Variants in RSF1 observed in about 807,000 individuals in gnomAD.
RSF1 encodes HBV pX-associated protein 8.
In RSF1, 13 loss-of-function variants were observed where a neutral mutation model predicts 145.2. The observed-to-expected ratio is 0.09, with a 90% CI of 0.06 to 0.14. The LOEUF is 0.14. RSF1 is among the 10% of genes least tolerant of loss of function. The pLI is 1.00. For missense variants in RSF1, 1,517 were observed against 1,718.2 expected, an observed-to-expected ratio of 0.88 and a Z score of 2.07; for synonymous variants, 577 against 592.6, an observed-to-expected ratio of 0.97 and a Z score of 0.38.
chr11:77,837,183 T>G, the RSF1 span, among the ~76,000 whole-genome samples: 1 of 152,174 alleles, frequency 6.6e-6, no homozygotes, highest in African/African-American at 2.4e-5. Context: ...TCACCCAGGC[T>G]GGAGTGCAGT....
chr11:77,797,558 C>A (rs1481035714), intron 1 of RSF1, among the ~76,000 whole-genome samples: 2 of 152,156 alleles, frequency 1.3e-5, no homozygotes, highest in African/African-American at 4.8e-5. Flanking sequence ...CCATAAAAAT[C>A]CTAGAAGAAA....
At position 77,820,721 on chromosome 11, in the gene RSF1, C is replaced by T. The variant is rs576214470; in HGVS notation, c.-7G>A. ...CTGCCGCCGCCGTCGCCATTTTGAA[C>T]TGGAGGATGGAGGAGGAGGCGATGG... On this transcript the variant is annotated 5_prime_UTR_variant, in exon 1 of 16. Coordinates refer to ENST00000308488, the MANE Select transcript of RSF1 (RefSeq NM_016578.4). 2.5e-5 allele frequency: 39 copies of T among 1,547,086 alleles called. No homozygotes were observed. In the African/African-American group the frequency reaches 2.6e-4, roughly 10 times the overall value.
intron 14 of RSF1, among the ~76,000 whole-genome samples, chr11:77,673,973 T>C (rs1959624569): frequency 6.6e-6 from 1 of 152,126 alleles, no homozygotes; most frequent in Admixed American, 6.5e-5. Flanking sequence ...GAATGGATCC[T>C]GGGTTAGGAA....
the RSF1 span, chr11:77,831,967 C>G: frequency 6.7e-6 from 1 of 149,336 alleles, no homozygotes; most frequent in East Asian, 2.0e-4. Context: ...ACTTCGGCCT[C>G]TCAGAAGTGC....
chr11:77,671,166 TATATATATA>T lies in RSF1; in HGVS notation c.3751+867_3751+875del, dbSNP rs1959533816. 2.2e-5 allele frequency among the ~76,000 whole-genome samples: 2 copies of T among 92,790 alleles called. 1 individual carries two copies. Among genetic ancestry groups the T allele is most frequent in the African/African-American group, 9.4e-5 (2 of 21,290 alleles). 60.9% of individuals were successfully genotyped at this position (92,790 alleles called of 152,430 possible). ...ATATATATATATATATATATATATA[TATATATATA>T]TATTTATATGTATATATGTGTGTAT... On this transcript the variant is annotated intron_variant, in intron 15 of 15. Transcript: ENST00000308488.
chr11:77,691,149 A>T lies in RSF1; in HGVS notation c.2900+10T>A, dbSNP rs899619820. On this transcript the variant is annotated intron_variant, in intron 9 of 15. Coordinates refer to ENST00000308488, the MANE Select transcript of RSF1 (RefSeq NM_016578.4). ...TCCCAAACAAAACATTAACACACAT[A>T]TAAAAATACCTTCGTTCGGCACGCT... The T allele has an allele frequency of 1.2e-6, 2 of 1,611,314 alleles. No homozygotes were observed. The highest frequency in any genetic ancestry group is 1.7e-5 in the Admixed American group (1 of 60,004).
chr11:77,741,645 G>A (rs193152873), intron 3 of RSF1, among the ~76,000 whole-genome samples: 1 of 152,194 alleles, frequency 6.6e-6, no homozygotes, highest in Non-Finnish European at 1.5e-5. Flanking sequence ...TGTGTATAGT[G>A]TGGAATGGCT....
At chr11:77,803,884 A>G (rs1363771773) in intron 1 of RSF1, among the ~76,000 whole-genome samples, 3 of 152,212 alleles carry the variant, frequency 2.0e-5, no homozygotes, top group African/African-American at 7.2e-5. Flanking sequence ...ATTCAAGATC[A>G]GCCTGAGCAA....
intron 4 of RSF1, chr11:77,735,075 T>A: frequency 9.2e-7 from 1 of 1,088,518 alleles, no homozygotes; most frequent in Non-Finnish European, 1.4e-6. Context: ...TGCGTGGCGC[T>A]GGGGCGGCGG....
At chr11:77,812,964 A>T (rs1217999961) in intron 1 of RSF1, among the ~76,000 whole-genome samples, 1 of 151,926 alleles carries the variant, frequency 6.6e-6, no homozygotes, top group Non-Finnish European at 1.5e-5. Flanking sequence ...TACACTGAAA[A>T]GATCACCTTA....
At chr11:77,798,964 T>TA (rs199886134) in intron 1 of RSF1, among the ~76,000 whole-genome samples, 67 of 114,458 alleles carry the variant, frequency 5.9e-4, no homozygotes, top group Middle Eastern at 4.9e-3. Flanking sequence ...AAAGTATAAT[T>TA]AAAAAAAAAA....
At chr11:77,762,806 T>G (rs1948188973) in intron 2 of RSF1, 1 of 152,144 alleles carries the variant, frequency 6.6e-6, no homozygotes, top group Non-Finnish European at 1.5e-5. Context: ...TATATTCCAT[T>G]TACTTCAAAA....
At chr11:77,671,729 G>C (rs1023936634) in intron 15 of RSF1, among the ~76,000 whole-genome samples, 29 of 151,456 alleles carry the variant, frequency 1.9e-4, no homozygotes, top group African/African-American at 7.0e-4. Context: ...CCGCCTCCCA[G>C]GTTCAAGCAA....
chr11:77,730,532 C>T (rs1169559481), intron 4 of RSF1, among the ~76,000 whole-genome samples: 1 of 152,162 alleles, frequency 6.6e-6, no homozygotes, highest in Non-Finnish European at 1.5e-5. Flanking sequence ...CTTTCCTACT[C>T]AATTCCTTTT....
At chr11:77,761,828 A>ATTTTTTTTTTTT (rs11381383) in intron 2 of RSF1, among the ~76,000 whole-genome samples, 1 of 119,576 alleles carries the variant, frequency 8.4e-6, no homozygotes. Flanking sequence ...CCATTCGGTG[A>ATTTTTTTTTTTT]TTTTTTTTTT....
chr11:77,724,182 A>C (rs1960999680), intron 5 of RSF1, among the ~76,000 whole-genome samples: 1 of 152,248 alleles, frequency 6.6e-6, no homozygotes, highest in African/African-American at 2.4e-5. Context: ...GTCATTAGGA[A>C]CTAATAATTA....
chr11:77,736,834 G>C (rs1039670685), intron 4 of RSF1, among the ~76,000 whole-genome samples: 4 of 152,116 alleles, frequency 2.6e-5, no homozygotes, highest in Non-Finnish European at 5.9e-5. Context: ...AGAGATCTTA[G>C]AGCCATACTA....
intron 1 of RSF1, among the ~76,000 whole-genome samples, chr11:77,803,663 C>T (rs558420013): frequency 1.6e-4 from 25 of 151,922 alleles, no homozygotes; most frequent in African/African-American, 6.0e-4. Context: ...CCTGTAATCC[C>T]AGGTACACAG....
rs76834670 is a variant in RSF1 at position 77,770,752 on chromosome 11, T to C, written c.188-6063A>G. On this transcript the variant is annotated intron_variant, in intron 1 of 15. Coordinates refer to ENST00000308488, the MANE Select transcript of RSF1 (RefSeq NM_016578.4). ...AGCATACTACAAATATCAGCATGGCTTGAGGTGGTGATAAGACCAGCAATC... is the reference window on the plus strand; with the variant it reads ...AGCATACTACAAATATCAGCATGGCCTGAGGTGGTGATAAGACCAGCAATC... Among the ~76,000 whole-genome samples, 214 of 152,250 alleles carry C rather than the reference T, an allele frequency of 1.4e-3. 1 individual carries two copies. Among genetic ancestry groups the C allele is most frequent in the African/African-American group, 4.8e-3 (200 of 41,536 alleles).
Sources: gnomAD v4.1 joint callset for allele counts (sites outside exome capture counted in the v4.1 genomes callset) on GRCh38, gnomAD v4.1.1 for gene constraint, MANE v1.5 for transcripts, NCBI Gene and HGNC (gene_info 2026-07-23, HGNC 2026-07-21) for gene names.